The following MAPT variants were observed in gnomAD, a reference collection of about 807,000 sequenced individuals.
MAPT encodes microtubule associated protein tau, also known as microtubule-associated protein tau.
MAPT carries 34 observed loss-of-function variants against 67.9 expected under a neutral mutation model. The observed-to-expected ratio is 0.50, with a 90% CI of 0.38 to 0.67. The LOEUF (loss-of-function observed/expected upper bound fraction) is 0.67, where lower values mean the gene tolerates loss of function less well. Among genes scored for constraint, MAPT ranks in the 30% least tolerant of loss-of-function variants. The pLI is 0.00. For missense variants in MAPT, 881 were observed against 1,115.2 expected, an observed-to-expected ratio of 0.79 and a Z score of 2.99; for synonymous variants, 456 against 464.5, an observed-to-expected ratio of 0.98 and a Z score of 0.23.
At chr17:45,926,014 C>G (rs1480802804) in intron 1 of MAPT, among the ~76,000 whole-genome samples, 1 of 151,958 alleles carries the variant, frequency 6.6e-6, no homozygotes, top group African/African-American at 2.4e-5. Context: ...AGTTCGAGAC[C>G]AGCCTGGCCA....
At chr17:45,927,296 G>A (rs1276038010) in intron 1 of MAPT, among the ~76,000 whole-genome samples, 2 of 152,088 alleles carry the variant, frequency 1.3e-5, no homozygotes, top group Non-Finnish European at 2.9e-5. Context: ...TGGGGAAGGG[G>A]GTAGTCGCTG....
intron 2 of MAPT, among the ~76,000 whole-genome samples, chr17:45,966,159 A>G (rs1219297697): frequency 1.3e-5 from 2 of 152,240 alleles, no homozygotes; most frequent in Non-Finnish European, 2.9e-5. Flanking sequence ...AATATGTATT[A>G]TGCTGCAACA....
At chr17:45,970,233 C>T (rs2071522298) in intron 2 of MAPT, among the ~76,000 whole-genome samples, 1 of 152,226 alleles carries the variant, frequency 6.6e-6, no homozygotes, top group Admixed American at 6.5e-5. Context: ...ATTATACCTC[C>T]ATCCAATTAC....
intron 1 of MAPT, among the ~76,000 whole-genome samples, chr17:45,913,886 AC>A (rs111511954): frequency 0.14 from 21,792 of 152,056 alleles, 2,129 homozygotes; most frequent in Middle Eastern, 0.22. Context: ...ACCTGGAGAG[AC>A]CACCACCCTT....
At position 45,996,612 on chromosome 17, in the gene MAPT, A is replaced by C. The variant is rs63750129; in HGVS notation, c.1946A>C (p.Lys649Thr). Reference protein sequence around the residue: ...PVPMPDLKNVKSKIGSTENLK... With the variant: ...PVPMPDLKNVTSKIGSTENLK... ...CCCATGCCAGACCTGAAGAATGTCAAGTCCAAGATCGGCTCCACTGAGAAC... is the reference window on the plus strand; with the variant it reads ...CCCATGCCAGACCTGAAGAATGTCACGTCCAAGATCGGCTCCACTGAGAAC... Residue 649 changes from lysine (K) to threonine (T), a missense_variant, in exon 9 of 13, where the codon AAG (lysine) becomes ACG (threonine). Physicochemically the swap from Lys to Thr is moderately conservative, Grantham distance 78. Transcript: ENST00000262410. This position sits in a 1 kb window ranked among gnomAD's most constrained non-coding sequence, Gnocchi z 4.5. 3 of 1,613,974 alleles carry C rather than the reference A, an allele frequency of 1.9e-6. No individual in the cohort carries two copies. Among genetic ancestry groups the C allele is most frequent in the Non-Finnish European group, 2.5e-6 (3 of 1,179,954 alleles).
chr17:45,978,567 G>C, intron 4 of MAPT, 127 bp downstream of exon 4: 1 of 738,592 alleles, frequency 1.4e-6, no homozygotes, highest in Non-Finnish European at 2.2e-6. Flanking sequence ...TTAGGGAGTT[G>C]GTTCTTATCA....
chr17:45,929,237 C>T (rs1389789431), intron 1 of MAPT, among the ~76,000 whole-genome samples: 1 of 152,182 alleles, frequency 6.6e-6, no homozygotes, highest in Non-Finnish European at 1.5e-5. Context: ...CTCTGTCATA[C>T]ACCTTACATG....
intron 3 of MAPT, chr17:45,974,543 G>A: frequency 1.6e-6 from 2 of 1,221,176 alleles, no homozygotes; most frequent in Non-Finnish European, 2.4e-6. Context: ...TGTGACAGAA[G>A]TGAGGGAGCT....
intron 1 of MAPT, among the ~76,000 whole-genome samples, chr17:45,939,130 TA>T (rs1214396312): frequency 1.3e-5 from 2 of 152,084 alleles, no homozygotes; most frequent in African/African-American, 4.8e-5. Context: ...AATTTTTAAA[TA>T]TTTTTTTTGT....
intron 1 of MAPT, among the ~76,000 whole-genome samples, chr17:45,911,012 A>G (rs1198772839): frequency 6.6e-6 from 1 of 152,246 alleles, no homozygotes; most frequent in Non-Finnish European, 1.5e-5. Flanking sequence ...TATTTTTTCC[A>G]CATCTAAAGG....
intron 1 of MAPT, among the ~76,000 whole-genome samples, chr17:45,908,569 A>C (rs1267347984): frequency 6.6e-6 from 1 of 152,142 alleles, no homozygotes; most frequent in Non-Finnish European, 1.5e-5. Flanking sequence ...TACTTTCCCC[A>C]TGTCTACACC....
At chr17:45,934,529 G>T (rs568168533) in intron 1 of MAPT, among the ~76,000 whole-genome samples, 1 of 152,198 alleles carries the variant, frequency 6.6e-6, no homozygotes, top group East Asian at 1.9e-4. Flanking sequence ...TCAGCCATTT[G>T]GTTGAGAACG....
intron 1 of MAPT, among the ~76,000 whole-genome samples, chr17:45,955,562 C>T (rs1203238771): frequency 2.0e-5 from 3 of 152,186 alleles, no homozygotes; most frequent in African/African-American, 7.2e-5. Flanking sequence ...TTTACCCCAT[C>T]GCCACAGACT....
chr17:45,899,776 G>A (rs1418999687), intron 1 of MAPT, among the ~76,000 whole-genome samples: 2 of 152,142 alleles, frequency 1.3e-5, no homozygotes, highest in South Asian at 2.1e-4. Flanking sequence ...ATCTGGCCCC[G>A]ACACAGAGAG....
At chr17:45,960,825 G>T (rs1327800873) in intron 1 of MAPT, among the ~76,000 whole-genome samples, 5 of 114,192 alleles carry the variant, frequency 4.4e-5, no homozygotes, top group Non-Finnish European at 9.0e-5. Flanking sequence ...ATTTATCCTG[G>T]ATTATTCACA....
chr17:46,017,486 T>C (rs1278953885), intron 11 of MAPT, among the ~76,000 whole-genome samples: 3 of 122,830 alleles, frequency 2.4e-5, no homozygotes, highest in African/African-American at 9.4e-5. Flanking sequence ...GGAGTTGTAC[T>C]CTCATTGCCC....
At chr17:46,018,021 T>C (rs2076294787) in intron 11 of MAPT, among the ~76,000 whole-genome samples, 1 of 151,514 alleles carries the variant, frequency 6.6e-6, no homozygotes, top group Non-Finnish European at 1.5e-5. Context: ...GGCAGGCACC[T>C]GTAGTCCCAG....
intron 2 of MAPT, among the ~76,000 whole-genome samples, chr17:45,963,421 C>G (rs1365042537): frequency 6.6e-6 from 1 of 152,102 alleles, no homozygotes; most frequent in Non-Finnish European, 1.5e-5. Flanking sequence ...ACCAAGTTGT[C>G]TGAGGTTGTC....
At chr17:46,021,245 C>T (rs966963959) in intron 12 of MAPT, among the ~76,000 whole-genome samples, 7 of 152,168 alleles carry the variant, frequency 4.6e-5, no homozygotes, top group Admixed American at 2.0e-4. Flanking sequence ...TCGGGTTGCG[C>T]GACAGGGATA....
Sources: allele counts gnomAD v4.1 joint callset (sites outside exome capture counted in the v4.1 genomes callset), GRCh38; gene constraint gnomAD v4.1.1; non-coding constraint Gnocchi (gnomAD v3.1); transcripts MANE v1.5; gene names NCBI Gene and HGNC (gene_info 2026-07-23, HGNC 2026-07-21).